Variants in SYT3 observed in about 807,000 individuals in gnomAD.
SYT3 encodes the protein synaptotagmin 3.
A neutral mutation model predicts 50.6 loss-of-function variants in SYT3; 25 were observed. That is an observed-to-expected ratio of 0.49 (90% CI 0.36 to 0.69). The LOEUF (loss-of-function observed/expected upper bound fraction) is 0.69, where lower values mean the gene tolerates loss of function less well. Among genes scored for constraint, SYT3 ranks in the 30% least tolerant of loss-of-function variants. SYT3 has a pLI of 0.00. For missense variants in SYT3, 589 were observed against 793.6 expected (o/e 0.74, Z 3.10); for synonymous variants, 323 against 353.9 (o/e 0.91, Z 0.98).
chr19:50,629,499 G>A lies in SYT3; in HGVS notation c.1076C>T (p.Thr359Ile). Residue 359 changes from threonine to isoleucine, a missense_variant, in exon 6 of 11, where the codon ACC becomes ATC. Transcript: ENST00000600079. ...KKFQTKVHRK[T>I]LNPVFNETFQ... ...CGTCTCATTGAAGACGGGGTTCAGG[G>A]TCTTCCTGTGCACCTGGTGGTGGTG... is the stretch of plus-strand genomic sequence containing the variant. 1 of 1,613,482 alleles carries A rather than the reference G, an allele frequency of 6.2e-7. No homozygotes were observed. Among genetic ancestry groups the A allele is most frequent in the Non-Finnish European group, 8.5e-7 (1 of 1,179,734 alleles).
rs760668254 is a variant in SYT3 at position 50,629,856 on chromosome 19, G to A, written c.990C>T (p.Asp330=). The A allele has an allele frequency of 1.2e-6, 2 of 1,614,120 alleles. No homozygotes were observed. The highest frequency in any genetic ancestry group is 1.1e-5 in the South Asian group (1 of 91,080). The change falls in exon 5 of 11, where the codon GAC becomes GAT. Residue 330 remains aspartate (D), a synonymous_variant. Coordinates refer to ENST00000600079, the MANE Select transcript of SYT3 (RefSeq NM_001160329.2). Reference sequence around the variant, plus strand: ...CGTAGGGGTCTGAGAAGCCGTTGGAGTCCTTGGCAGGGAGGTCCAGGGCCT... The same window carrying A: ...CGTAGGGGTCTGAGAAGCCGTTGGAATCCTTGGCAGGGAGGTCCAGGGCCT... ...ILQALDLPAK[D]SNGFSDPYVK... is the part of the protein sequence containing the mutation.
At chr19:50,626,225 G>C (rs1984055948) in intron 6 of SYT3, 2 of 641,202 alleles carry the variant, frequency 3.1e-6, no homozygotes, top group Admixed American at 3.3e-5. Flanking sequence ...TGTTCTGCAG[G>C]AAAGATTGGA....
chr19:50,622,523 G>A, intron 10 of SYT3, 42 bp from the exon 11 acceptor site: 1 of 615,630 alleles, frequency 1.6e-6, no homozygotes, highest in Admixed American at 2.9e-5. Flanking sequence ...CAATGGCAGA[G>A]AACTGCACCA....
the SYT3 span, among the ~76,000 whole-genome samples, chr19:50,654,823 G>A: frequency 6.6e-6 from 1 of 152,060 alleles, no homozygotes; most frequent in South Asian, 2.1e-4. Context: ...GTAGAGATAG[G>A]GTGTTGCTAT....
chr19:50,629,885 G>A lies in SYT3; in HGVS notation c.961C>T (p.Leu321=). ...YGSDQLVVRI[L]QALDLPAKDS... ...TTGGCAGGGAGGTCCAGGGCCTGCAGGATCCTCACCACCAGCTGGTCCGAG... is the reference window on the plus strand; with the variant it reads ...TTGGCAGGGAGGTCCAGGGCCTGCAAGATCCTCACCACCAGCTGGTCCGAG... The change falls in exon 5 of 11, where the codon CTG becomes TTG. Residue 321 remains leucine, a synonymous_variant. Coordinates refer to ENST00000600079, the MANE Select transcript of SYT3 (RefSeq NM_001160329.2). 6.2e-7 allele frequency: 1 copy of A among 1,614,118 alleles called. No individual in the cohort carries two copies. The highest frequency in any genetic ancestry group is 8.5e-7 in the Non-Finnish European group (1 of 1,180,006).
rs185896575 is a variant in SYT3, at chr19:50,639,863, G to A, written c.-227C>T. ...CGCGCGCCAGCCGCGGTGCCGGCTCGGCTCCTCCCCTCGCCACTGTCGCAG... is the reference window on the plus strand; with the variant it reads ...CGCGCGCCAGCCGCGGTGCCGGCTCAGCTCCTCCCCTCGCCACTGTCGCAG... On this transcript the variant is annotated 5_prime_UTR_variant, in exon 1 of 11. Coordinates refer to ENST00000600079, the MANE Select transcript of SYT3 (RefSeq NM_001160329.2). This position sits in a 1 kb window ranked among gnomAD's most constrained non-coding sequence, Gnocchi z 4.6. 2 of 154,012 alleles carry A rather than the reference G, an allele frequency of 1.3e-5. No individual in the cohort carries two copies. The highest frequency in any genetic ancestry group is 2.9e-5 in the Non-Finnish European group (2 of 70,028). 9.5% of individuals were successfully genotyped at this position (154,012 alleles called of 1,614,324 possible).
In SYT3 at chr19:50,637,155, C is replaced by T. The variant is rs147914600; in HGVS notation, c.148+109G>A. The T allele has an allele frequency of 5.1e-3, 6,886 of 1,349,604 alleles. 28 individuals are homozygous for T. Among genetic ancestry groups the T allele is most frequent in the Non-Finnish European group, 5.8e-3 (5,630 of 975,146 alleles). The allele number at this position is 1,349,604 out of a possible 1,614,324, so 83.6% of individuals were successfully genotyped here. ...AGCAGCAGGCAGAATGGGGGCAAGA[C>T]GCTACGAGGGACTGACCCCACAAGC... On this transcript the variant is annotated intron_variant, in intron 3 of 10. Coordinates refer to ENST00000600079, the MANE Select transcript of SYT3 (RefSeq NM_001160329.2). This position sits in a 1 kb window ranked among gnomAD's most constrained non-coding sequence, Gnocchi z 4.9.
chr19:50,633,534 A>AG (rs765762598), intron 3 of SYT3, among the ~76,000 whole-genome samples: 1 of 152,226 alleles, frequency 6.6e-6, no homozygotes. Flanking sequence ...CGACACAGTT[A>AG]GGCAGGGCAG....
chr19:50,625,886 A>G lies in SYT3; in HGVS notation c.1402+11T>C, dbSNP rs763794720. 6.2e-7 allele frequency: 1 copy of G among 1,611,978 alleles called. No homozygotes were observed. Among genetic ancestry groups the G allele is most frequent in the Non-Finnish European group, 8.5e-7 (1 of 1,179,176 alleles). On this transcript the variant is annotated intron_variant, in intron 7 of 10. Transcript: ENST00000600079. The surrounding 1 kb of genome is among the most constrained non-coding windows in gnomAD (Gnocchi z 7.5). ...CCCCCAGCCCTCCTCCCTCAGACCC[A>G]GGACCCTCACCTGAGAAGCCAGTGA...
In SYT3 at chr19:50,632,503, C is replaced by A. The variant is rs1365912161; in HGVS notation, c.457G>T (p.Gly153Cys). Residue 153 changes from glycine (G) to cysteine (C), a missense_variant, in exon 4 of 11, where the codon GGT becomes TGT. Gly to Cys is a radical substitution (Grantham distance 159). This residue lies in a region of SYT3 where 316 missense variants were observed against 354.3 expected (regional missense o/e 0.89). Coordinates refer to ENST00000600079, the MANE Select transcript of SYT3 (RefSeq NM_001160329.2). This position sits in a 1 kb window ranked among gnomAD's most constrained non-coding sequence, Gnocchi z 4.7. ...AELLEPGSLG[G>C]SDTPEPSYLD... The stretch of plus-strand genomic sequence containing the variant: ...TAGGAGGGCTCAGGGGTGTCAGAAC[C>A]CCCCAGGCTGCCTGGCTCCAGCAGC... The A allele has an allele frequency of 1.2e-6, 2 of 1,611,478 alleles. No individual in the cohort carries two copies. The highest frequency in any genetic ancestry group is 1.6e-4 in the Middle Eastern group (1 of 6,080).
At chr19:50,654,219 A>G in the SYT3 span, among the ~76,000 whole-genome samples, 1 of 152,018 alleles carries the variant, frequency 6.6e-6, no homozygotes, top group Non-Finnish European at 1.5e-5. Context: ...AAGAAGACAG[A>G]AGTGTATTTC....
intron 4 of SYT3, among the ~76,000 whole-genome samples, chr19:50,631,395 C>T (rs1984301112): frequency 6.6e-6 from 1 of 152,076 alleles, no homozygotes; most frequent in African/African-American, 2.4e-5. Flanking sequence ...AACTCCTGAC[C>T]TCAAGTGATC....
chr19:50,649,075 G>T, the SYT3 span, among the ~76,000 whole-genome samples: 1 of 146,660 alleles, frequency 6.8e-6, no homozygotes, highest in Non-Finnish European at 1.5e-5. Flanking sequence ...GGAGGGCAGA[G>T]AAATCAAGCA....
upstream of SYT3, among the ~76,000 whole-genome samples, chr19:50,641,893 A>C (rs1984689862): frequency 6.6e-6 from 1 of 152,214 alleles, no homozygotes; most frequent in Non-Finnish European, 1.5e-5. Flanking sequence ...TATTTAGAGC[A>C]AGAAATAAAA....
At chr19:50,631,485 C>T (rs1201063191) in intron 4 of SYT3, among the ~76,000 whole-genome samples, 2 of 152,110 alleles carry the variant, frequency 1.3e-5, no homozygotes, top group African/African-American at 4.8e-5. Flanking sequence ...GTTTTTCAAA[C>T]TTATTCTCAT....
the SYT3 span, among the ~76,000 whole-genome samples, chr19:50,654,129 G>A: frequency 6.6e-6 from 1 of 151,842 alleles, no homozygotes; most frequent in Non-Finnish European, 1.5e-5. Flanking sequence ...CGGCAGGAGA[G>A]CACCAGGGCC....
the SYT3 span, chr19:50,649,677 A>G: frequency 1.3e-5 from 10 of 764,238 alleles, no homozygotes; most frequent in South Asian, 1.3e-4. Flanking sequence ...GCCCCCTTGG[A>G]CCTCAAACTA....
chr19:50,625,491 G>A lies in SYT3; in HGVS notation c.1476C>T (p.Asn492=). The A allele has an allele frequency of 6.2e-7, 1 of 1,609,516 alleles. No individual in the cohort carries two copies. Among genetic ancestry groups the A allele is most frequent in the Non-Finnish European group, 8.5e-7 (1 of 1,178,362 alleles). ...CCTCATTATAGGTGGGGTTCAGCGT[G>A]TTCTTCTTGATGGAGGTTTTCCGCT... is the stretch of plus-strand genomic sequence containing the variant. ...LKKRKTSIKK[N]TLNPTYNEAL... Residue 492 remains asparagine (N), a synonymous_variant, in exon 8 of 11, where the codon AAC becomes AAT. Coordinates refer to ENST00000600079, the MANE Select transcript of SYT3 (RefSeq NM_001160329.2). This position sits in a 1 kb window ranked among gnomAD's most constrained non-coding sequence, Gnocchi z 7.5.
rs753308423 is a variant in SYT3, at chr19:50,637,243, A to C, written c.148+21T>G. On this transcript the variant is annotated intron_variant, in intron 3 of 10. Transcript: ENST00000600079. The surrounding 1 kb of genome is among the most constrained non-coding windows in gnomAD (Gnocchi z 4.9). ...CCATAGTGCAAGCAGGGGGCTGGCC[A>C]AGACAGGCAGGGGTGCTGACCTGCA... 38 of 1,608,836 alleles carry C rather than the reference A, an allele frequency of 2.4e-5. No individual in the cohort carries two copies. The highest frequency in any genetic ancestry group is 3.1e-5 in the Non-Finnish European group (36 of 1,176,712).
Sources: gnomAD v4.1 joint callset for allele counts (sites outside exome capture counted in the v4.1 genomes callset) on GRCh38, gnomAD v4.1.1 for gene constraint, gnomAD v4.1.1 regional missense constraint, Gnocchi (gnomAD v3.1) non-coding constraint, MANE v1.5 for transcripts, NCBI Gene and HGNC (gene_info 2026-07-23, HGNC 2026-07-21) for gene names.